ASIC2: variants seen among roughly 807,000 people sequenced by gnomAD.
ASIC2 encodes the protein acid sensing ion channel subunit 2.
ASIC2 carries 25 observed loss-of-function variants against 57.3 expected under a neutral mutation model. The ratio of observed to expected loss-of-function variants is 0.44; its 90% CI spans 0.32 to 0.61. ASIC2 has a LOEUF of 0.61. Ranked by LOEUF, ASIC2 falls within the 20% of genes least tolerant of loss-of-function variation. The pLI, the probability that ASIC2 is intolerant of heterozygous loss-of-function variation, is 0.06. For missense variants in ASIC2, 641 were observed against 738.1 expected (o/e 0.87, Z 1.52); for synonymous variants, 319 against 307.5 (o/e 1.04, Z -0.39).
intron 1 of ASIC2, among the ~76,000 whole-genome samples, chr17:33,538,557 A>G (rs980689928): frequency 1.3e-5 from 2 of 152,208 alleles, no homozygotes; most frequent in African/African-American, 4.8e-5. Flanking sequence ...AAGCCGGGAT[A>G]GAAACCCAGT....
intron 1 of ASIC2, among the ~76,000 whole-genome samples, chr17:33,559,490 T>G (rs935283294): frequency 6.6e-6 from 1 of 152,224 alleles, no homozygotes; most frequent in Admixed American, 6.5e-5. Flanking sequence ...AATTTTCTTT[T>G]TTTTCAAAGG....
At chr17:33,341,897 A>G (rs995128007) in intron 1 of ASIC2, among the ~76,000 whole-genome samples, 2 of 152,214 alleles carry the variant, frequency 1.3e-5, no homozygotes, top group Admixed American at 6.5e-5. Flanking sequence ...TGTCATTCTC[A>G]GACTGACACT....
At chr17:33,669,004 C>T (rs929399455) in intron 1 of ASIC2, among the ~76,000 whole-genome samples, 12 of 152,204 alleles carry the variant, frequency 7.9e-5, no homozygotes, top group African/African-American at 2.9e-4. Context: ...ACAGACGCCG[C>T]CAGGAGGAAG....
At chr17:33,621,337 A>G (rs1487926130) in intron 1 of ASIC2, among the ~76,000 whole-genome samples, 2 of 152,260 alleles carry the variant, frequency 1.3e-5, no homozygotes, top group African/African-American at 4.8e-5. Flanking sequence ...GCCAGTCAGT[A>G]AATGTTTATT....
intron 1 of ASIC2, among the ~76,000 whole-genome samples, chr17:33,446,088 A>G (rs1219065005): frequency 4.6e-5 from 7 of 152,014 alleles, no homozygotes; most frequent in Admixed American, 4.6e-4. Context: ...GACCATGTCT[A>G]CCACACCGCT....
intron 1 of ASIC2, among the ~76,000 whole-genome samples, chr17:33,612,393 A>G (rs2142016290): frequency 6.6e-6 from 1 of 152,326 alleles, no homozygotes; most frequent in African/African-American, 2.4e-5. Flanking sequence ...GAGAGATTAA[A>G]AAAAATGGCA....
intron 1 of ASIC2, among the ~76,000 whole-genome samples, chr17:34,022,630 AAAAAAAAAAAC>A: frequency 7.1e-6 from 1 of 141,620 alleles, no homozygotes; most frequent in African/African-American, 2.7e-5. Flanking sequence ...ATTTCCCATG[AAAAAAAAAAAC>A]AAAAAAAAAA....
At chr17:33,017,731 C>T in intron 7 of ASIC2, 47 bp from the exon 8 acceptor site, 3 of 1,560,684 alleles carry the variant, frequency 1.9e-6, no homozygotes, top group Non-Finnish European at 2.6e-6. Context: ...ATGCAGCTTC[C>T]AGGAAGGGTG....
At chr17:33,221,178 C>A (rs948908294) in intron 1 of ASIC2, among the ~76,000 whole-genome samples, 3 of 152,152 alleles carry the variant, frequency 2.0e-5, no homozygotes, top group Admixed American at 1.3e-4. Context: ...AGGCCTGGCT[C>A]TGTTGTAAAT....
intron 1 of ASIC2, among the ~76,000 whole-genome samples, chr17:33,757,842 G>C (rs1016113581): frequency 1.3e-5 from 2 of 152,196 alleles, no homozygotes; most frequent in African/African-American, 4.8e-5. Flanking sequence ...ACCAAAGGCA[G>C]CTGTGTTGGC....
chr17:33,678,787 T>C (rs1303438966), intron 1 of ASIC2, among the ~76,000 whole-genome samples: 2 of 152,076 alleles, frequency 1.3e-5, no homozygotes, highest in African/African-American at 4.8e-5. Flanking sequence ...AGTGCCCACA[T>C]CCCAGGGGGC....
At chr17:33,163,998 A>G (rs1355961880) in intron 1 of ASIC2, among the ~76,000 whole-genome samples, 1 of 152,244 alleles carries the variant, frequency 6.6e-6, no homozygotes, top group African/African-American at 2.4e-5. Flanking sequence ...ACCTCAATTC[A>G]TAGGCGGGAA....
intron 1 of ASIC2, among the ~76,000 whole-genome samples, chr17:33,394,979 A>G (rs1053039248): frequency 1.3e-5 from 2 of 151,048 alleles, no homozygotes; most frequent in Admixed American, 6.6e-5. Context: ...CCATTCACCC[A>G]TCCATCTATC....
chr17:33,680,014 G>T (rs918864158), intron 1 of ASIC2, among the ~76,000 whole-genome samples: 1 of 151,920 alleles, frequency 6.6e-6, no homozygotes, highest in Non-Finnish European at 1.5e-5. Context: ...ATATGATACT[G>T]GGGGGTACTG....
chr17:33,673,492 GC>G (rs1020350078), intron 1 of ASIC2, among the ~76,000 whole-genome samples: 1 of 152,166 alleles, frequency 6.6e-6, no homozygotes, highest in Non-Finnish European at 1.5e-5. Context: ...ATCATCTGAT[GC>G]AAACCCTTTT....
intron 1 of ASIC2, among the ~76,000 whole-genome samples, chr17:33,542,261 A>AG (rs1477262271): frequency 2.0e-5 from 3 of 151,126 alleles, no homozygotes; most frequent in Non-Finnish European, 4.4e-5. Flanking sequence ...GTATATACCC[A>AG]GTAATGGGAT....
upstream of ASIC2, among the ~76,000 whole-genome samples, chr17:33,294,376 C>T (rs575507118): frequency 4.0e-4 from 61 of 151,962 alleles, no homozygotes; most frequent in African/African-American, 1.5e-3. Context: ...GGAGTTTTAC[C>T]GTCTTTGTAA....
At position 33,712,707 on chromosome 17, in the gene ASIC2, G is replaced by A. The variant is rs1391015270; in HGVS notation, c.555+443271C>T. Among the ~76,000 whole-genome samples the A allele has an allele frequency of 7.7e-5, 11 of 142,806 alleles. No homozygotes were observed. In the East Asian group the frequency reaches 2.0e-3, roughly 27 times the overall value. 93.7% of individuals were successfully genotyped at this position (142,806 alleles called of 152,430 possible). On this transcript the variant is annotated intron_variant, in intron 1 of 9. Coordinates refer to the ASIC2 transcript ENST00000359872. ...GTCGCCCAGGCTGGAGTGCAGTGGC[G>A]GGATCTCGGCTCACTGCAAGCTCCG...
At chr17:33,420,973 T>A (rs975064287) in intron 1 of ASIC2, among the ~76,000 whole-genome samples, 1 of 152,230 alleles carries the variant, frequency 6.6e-6, no homozygotes, top group African/African-American at 2.4e-5. Context: ...TGGAACATTA[T>A]CTTCTAGTTC....
Sources: allele counts gnomAD v4.1 joint callset (sites outside exome capture counted in the v4.1 genomes callset), GRCh38; gene constraint gnomAD v4.1.1; transcripts MANE v1.5; gene names NCBI Gene and HGNC (gene_info 2026-07-23, HGNC 2026-07-21).